The following SLC33A2 variants were observed in gnomAD, a reference collection of about 807,000 sequenced individuals.
SLC33A2 encodes solute carrier family 33 member 2, also known as major facilitator superfamily domain containing 3.
the SLC33A2 span, chr8:144,510,199 C>T: frequency 3.1e-6 from 4 of 1,307,864 alleles, no homozygotes; most frequent in Non-Finnish European, 4.2e-6. Context: ...CAGCTCTAGC[C>T]CCATCCCTGA....
the SLC33A2 span, chr8:144,511,087 C>G: frequency 6.2e-7 from 1 of 1,609,360 alleles, no homozygotes; most frequent in Non-Finnish European, 8.5e-7. Flanking sequence ...GGGGCCACAT[C>G]CCTGCTTCTT....
the SLC33A2 span, chr8:144,510,630 G>T: frequency 8.3e-6 from 13 of 1,567,462 alleles, no homozygotes; most frequent in Non-Finnish European, 9.5e-6. Context: ...TCGGTGCTGC[G>T]CTTCCGCCTC....
chr8:144,510,344 C>T, the SLC33A2 span: 5 of 1,610,818 alleles, frequency 3.1e-6, no homozygotes, highest in South Asian at 1.1e-5. Context: ...TGCTCATGCC[C>T]CCCCCACCAC....
the SLC33A2 span, chr8:144,510,513 C>T: frequency 6.2e-7 from 1 of 1,612,450 alleles, no homozygotes; most frequent in Non-Finnish European, 8.5e-7. Context: ...CACTGGTGAG[C>T]CCTCCCCAGT....
the SLC33A2 span, chr8:144,510,433 G>A: frequency 6.2e-7 from 1 of 1,612,912 alleles, no homozygotes; most frequent in Non-Finnish European, 8.5e-7. Flanking sequence ...AGTTGGGACT[G>A]TGGAATGGTG....
At chr8:144,509,341 G>A in the SLC33A2 span, 2 of 1,466,476 alleles carry the variant, frequency 1.4e-6, no homozygotes, top group East Asian at 2.7e-5. Flanking sequence ...GCCATGCGCG[G>A]GAAGTTGCTG....
chr8:144,510,893 G>A, the SLC33A2 span: 1 of 1,605,752 alleles, frequency 6.2e-7, no homozygotes, highest in African/African-American at 1.3e-5. Flanking sequence ...CTGGCCCCCA[G>A]GGCCCTGCAG....
At chr8:144,510,703 C>A in the SLC33A2 span, 4,936 of 1,574,372 alleles carry the variant, frequency 3.1e-3, 148 homozygotes, top group African/African-American at 0.058. Flanking sequence ...CCAGCATGGA[C>A]GCTGGCACAA....
At chr8:144,510,716 T>G in the SLC33A2 span, 2 of 1,588,116 alleles carry the variant, frequency 1.3e-6, no homozygotes, top group South Asian at 2.3e-5. Flanking sequence ...TGGCACAATC[T>G]TGAGAGGTGA....
chr8:144,509,835 C>A, the SLC33A2 span: 1 of 1,537,252 alleles, frequency 6.5e-7, no homozygotes. Flanking sequence ...GCAACTCTTT[C>A]TGCTCCTGGC....
chr8:144,509,561 C>T, the SLC33A2 span: 1 of 1,519,758 alleles, frequency 6.6e-7, no homozygotes, highest in Admixed American at 2.0e-5. Flanking sequence ...GCACGGCGGG[C>T]CTGGGCCTGG....
chr8:144,510,658 G>C, the SLC33A2 span: 2 of 1,559,658 alleles, frequency 1.3e-6, no homozygotes, highest in Non-Finnish European at 1.7e-6. Flanking sequence ...TAGCCTGTCA[G>C]ACTGCCTTGG....
chr8:144,510,515 C>G, the SLC33A2 span: 2 of 1,612,546 alleles, frequency 1.2e-6, no homozygotes, highest in Non-Finnish European at 1.7e-6. Context: ...CTGGTGAGCC[C>G]TCCCCAGTGT....
At chr8:144,509,838 C>T in the SLC33A2 span, 2 of 1,537,830 alleles carry the variant, frequency 1.3e-6, no homozygotes, top group South Asian at 1.2e-5. Flanking sequence ...ACTCTTTCTG[C>T]TCCTGGCTGC....
chr8:144,509,924 G>A, the SLC33A2 span: 2 of 1,577,138 alleles, frequency 1.3e-6, no homozygotes, highest in Middle Eastern at 1.7e-4. Flanking sequence ...CCCCTTCCGA[G>A]CAGCGTCCCC....
the SLC33A2 span, chr8:144,511,150 A>G: frequency 2.5e-6 from 4 of 1,610,182 alleles, no homozygotes; most frequent in Middle Eastern, 1.7e-4. Context: ...CCTAGCACCC[A>G]GCACCTTTCT....
chr8:144,510,649 A>G, the SLC33A2 span: 3 of 1,561,230 alleles, frequency 1.9e-6, no homozygotes, highest in South Asian at 3.6e-5. Flanking sequence ...TCGGGGGCCT[A>G]GCCTGTCAGA....
At chr8:144,509,966 C>A in the SLC33A2 span, 1 of 1,596,094 alleles carries the variant, frequency 6.3e-7, no homozygotes, top group Admixed American at 1.7e-5. Flanking sequence ...ACGTGCTAGC[C>A]GTGCCGGGGA....
the SLC33A2 span, chr8:144,509,370 C>T: frequency 1.3e-6 from 2 of 1,501,372 alleles, no homozygotes; most frequent in Non-Finnish European, 1.8e-6. Context: ...CGGCCTCTAC[C>T]TGGTGCAGGG....
Sources: allele counts gnomAD v4.1 joint callset, GRCh38; gene constraint gnomAD v4.1.1; transcripts MANE v1.5; gene names NCBI Gene and HGNC (gene_info 2026-07-23, HGNC 2026-07-21).